Variants in KRT7 observed in about 807,000 individuals in gnomAD.
KRT7 encodes the protein keratin, type II cytoskeletal 7.
A neutral mutation model predicts 42.8 loss-of-function variants in KRT7; 50 were observed. The observed-to-expected ratio is 1.17, with a 90% CI of 0.93 to 1.48. The LOEUF is 1.48. Ranked by LOEUF, KRT7 falls within the 40% of genes most tolerant of loss-of-function variation. The pLI, the probability that KRT7 is intolerant of heterozygous loss-of-function variation, is 0.00. For synonymous variants in KRT7, 268 were observed against 266.3 expected (o/e 1.01, Z -0.06); for missense variants, 588 against 637.6 (o/e 0.92, Z 0.84).
At chr12:52,243,239 C>T in intron 6 of KRT7, 102 bp downstream of exon 6, 2 of 1,377,648 alleles carry the variant, frequency 1.5e-6, no homozygotes, top group South Asian at 2.9e-5. Flanking sequence ...CATCTCCCGG[C>T]CAAAGCTGGT....
intron 7 of KRT7, chr12:52,247,232 C>T (rs1317649): frequency 0.26 from 39,176 of 152,088 alleles, 5,822 homozygotes; most frequent in East Asian, 0.58. Flanking sequence ...AGGCCTCTTC[C>T]GTCTGAGTTC....
At chr12:52,250,972 CTTTTTTA>C (rs879479709), downstream of KRT7, among the ~76,000 whole-genome samples, 1 of 152,116 alleles carries the variant, frequency 6.6e-6, no homozygotes, top group East Asian at 1.9e-4. Context: ...GGTGGCCAAC[CTTTTTTA>C]TTTTTTATTT....
In KRT7 at chr12:52,235,305, G is replaced by C; in HGVS notation, c.475G>C (p.Gly159Arg). The change falls in exon 2 of 9, where the codon GGG (glycine) becomes CGG (arginine). Residue 159 changes from glycine to arginine, a missense_variant. Transcript: ENST00000331817. ...TCAGCTTGAGGCACTGCAGGTGGAT[G>C]GGGGCCGCCTGGAGGCGGAGCTGCG... ...RGQLEALQVD[G>R]GRLEAELRSM... 3 of 1,614,014 alleles carry C rather than the reference G, an allele frequency of 1.9e-6. No individual in the cohort carries two copies. The highest frequency in any genetic ancestry group is 2.5e-6 in the Non-Finnish European group (3 of 1,179,978).
downstream of KRT7, chr12:52,252,238 C>A (rs1445769087): frequency 6.2e-7 from 1 of 1,613,166 alleles, no homozygotes; most frequent in African/African-American, 1.3e-5. Flanking sequence ...GAGGGGACAC[C>A]CTCCCCACAG....
At position 52,237,555 on chromosome 12, in the gene KRT7, G is replaced by C. The variant is rs764950547; in HGVS notation, c.583G>C (p.Val195Leu). 1 of 1,611,664 alleles carries C rather than the reference G, an allele frequency of 6.2e-7. No homozygotes were observed. Among genetic ancestry groups the C allele is most frequent in the African/African-American group, 1.3e-5 (1 of 74,748 alleles). ...CCGCACAGCTGCTGAGAATGAGTTT[G>C]TGGTGCTGAAGAAGGTGAGTGGGAA... is the stretch of plus-strand genomic sequence containing the variant. The part of the protein sequence containing the change: ...NHRTAAENEF[V>L]VLKKDVDAAY... Residue 195 changes from valine to leucine, a missense_variant, in exon 3 of 9, where the codon GTG becomes CTG. Coordinates refer to ENST00000331817, the MANE Select transcript of KRT7 (RefSeq NM_005556.4).
At position 52,233,467 on chromosome 12, in the gene KRT7, C is replaced by T. The variant is rs1941953486; in HGVS notation, c.171C>T (p.Gly57=). The T allele has an allele frequency of 1.2e-6, 2 of 1,609,106 alleles. No homozygotes were observed. The highest frequency in any genetic ancestry group is 2.2e-5 in the East Asian group (1 of 44,674). Residue 57 remains glycine (G), a synonymous_variant, in exon 1 of 9, where the codon GGC becomes GGT. Transcript: ENST00000331817. ...TGGCCGTGCGCTCTGCCTATGGGGGCCCGGTGGGCGCCGGCATCCGCGAGG... is the reference window on the plus strand; with the variant it reads ...TGGCCGTGCGCTCTGCCTATGGGGGTCCGGTGGGCGCCGGCATCCGCGAGG... The part of the protein sequence containing the change: ...PRVAVRSAYG[G]PVGAGIREVT...
downstream of KRT7, chr12:52,250,574 C>T (rs1390432605): frequency 7.9e-6 from 10 of 1,258,796 alleles, no homozygotes; most frequent in African/African-American, 1.5e-5. Context: ...AGACGCTGCC[C>T]GTCACCGGCC....
intron 6 of KRT7, chr12:52,244,994 GGGGGCT>G: frequency 5.1e-6 from 1 of 196,418 alleles, no homozygotes; most frequent in Non-Finnish European, 1.0e-5. Context: ...TCCTGCAGCT[GGGGGCT>G]GGGGCTGGGG....
chr12:52,236,197 GC>G (rs5798204), intron 2 of KRT7, among the ~76,000 whole-genome samples: 3 of 145,710 alleles, frequency 2.1e-5, no homozygotes, highest in Non-Finnish European at 3.0e-5. Flanking sequence ...TCTGTGGAGT[GC>G]CCCCCCCCAA....
At chr12:52,253,429 A>G (rs561906405), downstream of KRT7, 39 of 1,563,294 alleles carry the variant, frequency 2.5e-5, 1 homozygote, top group South Asian at 3.8e-4. Context: ...TGCAGTGCTC[A>G]GCCTGTGCAA....
intron 2 of KRT7, among the ~76,000 whole-genome samples, chr12:52,235,922 G>A (rs1252447627): frequency 6.6e-6 from 1 of 152,220 alleles, no homozygotes; most frequent in Non-Finnish European, 1.5e-5. Context: ...TGAGCCATGC[G>A]AGGGCCGCAG....
chr12:52,238,027 C>T (rs1020573043), intron 3 of KRT7, among the ~76,000 whole-genome samples: 2 of 152,306 alleles, frequency 1.3e-5, no homozygotes, highest in South Asian at 2.1e-4. Flanking sequence ...TCTACATGCC[C>T]TTTAAGATTC....
At position 52,235,355 on chromosome 12, in the gene KRT7, CT is replaced by C. The variant is rs1448111846; in HGVS notation, c.527del (p.Phe176SerfsTer22). 4 of 1,610,150 alleles carry C rather than the reference CT, an allele frequency of 2.5e-6. No individual in the cohort carries two copies. In the South Asian group the frequency reaches 4.4e-5, roughly 18 times the overall value. ...LRSMQDVVED[F>X]KNKYEDEINH... ...GGAGCATGCAGGATGTGGTGGAGGA[CT>C]TCAAGAATAAGTAATGCCCCCTGTG... On this transcript the variant is annotated frameshift_variant, in exon 2 of 9. Transcript: ENST00000331817. LOFTEE classifies it high-confidence loss of function.
chr12:52,249,993 T>G (rs1942238626), downstream of KRT7, among the ~76,000 whole-genome samples: 1 of 152,074 alleles, frequency 6.6e-6, no homozygotes. Context: ...AAGGAGAGAC[T>G]CTCAGGGCAC....
At chr12:52,237,814 AGGATGGAGATTATAGAG>A (rs1217059574) in intron 3 of KRT7, 6 of 354,520 alleles carry the variant, frequency 1.7e-5, no homozygotes, top group Non-Finnish European at 2.5e-5. Flanking sequence ...CTAAGAGCAA[AGGATGGAGATTATAGAG>A]GGAGATTTCA....
At chr12:52,253,232 A>G (rs1180726274), downstream of KRT7, 2 of 1,609,080 alleles carry the variant, frequency 1.2e-6, no homozygotes, top group Non-Finnish European at 1.7e-6. Flanking sequence ...GGCGTTCTCC[A>G]CCTCGGCTGT....
chr12:52,253,586 T>C, downstream of KRT7: 2 of 1,593,354 alleles, frequency 1.3e-6, no homozygotes, highest in Non-Finnish European at 1.7e-6. Flanking sequence ...CAGGCAGGTG[T>C]CCTGTGCCAC....
At chr12:52,252,449 A>T (rs1942280550), downstream of KRT7, 2 of 1,613,990 alleles carry the variant, frequency 1.2e-6, no homozygotes, top group East Asian at 2.2e-5. Flanking sequence ...CCTGCTGCTC[A>T]GACTGGGCCA....
downstream of KRT7, chr12:52,251,715 C>T (rs1248811721): frequency 6.0e-6 from 2 of 334,394 alleles, no homozygotes; most frequent in Non-Finnish European, 1.2e-5. Context: ...TTATGTGGTA[C>T]ATGACTGTAG....
Sources: gnomAD v4.1 joint callset for allele counts (sites outside exome capture counted in the v4.1 genomes callset) on GRCh38, gnomAD v4.1.1 for gene constraint, MANE v1.5 for transcripts, NCBI Gene and HGNC (gene_info 2026-07-23, HGNC 2026-07-21) for gene names.